Variants in CDH1 observed in about 807,000 individuals in gnomAD.
The protein encoded by CDH1 is cadherin-1.
CDH1 carries 35 observed loss-of-function variants against 84.5 expected under a neutral mutation model. That is an observed-to-expected ratio of 0.41 (90% CI 0.32 to 0.55). The LOEUF (loss-of-function observed/expected upper bound fraction) is 0.55, where lower values mean the gene tolerates loss of function less well. CDH1 is among the 20% of genes least tolerant of loss of function. The pLI is 0.19. For missense variants in CDH1, 994 were observed against 1,126.6 expected (o/e 0.88, Z 1.68); for synonymous variants, 417 against 439.0 (o/e 0.95, Z 0.63).
At chr16:68,804,102 C>CTCT (rs1960585640) in intron 3 of CDH1, among the ~76,000 whole-genome samples, 2 of 75,070 alleles carry the variant, frequency 2.7e-5, no homozygotes, top group Non-Finnish European at 5.3e-5. Context: ...ATCTGTCTGC[C>CTCT]TTTTTTTTTT....
chr16:68,803,096 G>A (rs1283305220), intron 3 of CDH1, among the ~76,000 whole-genome samples: 2 of 152,144 alleles, frequency 1.3e-5, no homozygotes, highest in Non-Finnish European at 2.9e-5. Flanking sequence ...GGATATTCTG[G>A]TTGTGTCCTG....
At chr16:68,737,505 G>C (rs562049868) in intron 1 of CDH1, 42 bp downstream of exon 1, 2 of 1,403,690 alleles carry the variant, frequency 1.4e-6, no homozygotes, top group Non-Finnish European at 1.9e-6. Context: ...CATTCGGGCC[G>C]CAAGCTCCGC....
chr16:68,760,480 C>T (rs533564417), intron 2 of CDH1, among the ~76,000 whole-genome samples: 60 of 151,942 alleles, frequency 3.9e-4, no homozygotes, highest in Admixed American at 7.2e-4. Context: ...AAAGTATAAC[C>T]GTCTCCTGCC....
intron 2 of CDH1, among the ~76,000 whole-genome samples, chr16:68,745,511 C>G (rs1218057221): frequency 9.3e-6 from 1 of 107,292 alleles, no homozygotes; most frequent in Admixed American, 1.0e-4. Flanking sequence ...CCACGGCACT[C>G]CAGCTGATAG....
intron 2 of CDH1, among the ~76,000 whole-genome samples, chr16:68,746,859 G>A (rs544671771): frequency 6.6e-6 from 1 of 152,154 alleles, no homozygotes; most frequent in Non-Finnish European, 1.5e-5. Flanking sequence ...CGAGGCAGGA[G>A]AATCACTTGA....
At chr16:68,814,838 T>A (rs1044122467) in intron 9 of CDH1, among the ~76,000 whole-genome samples, 1 of 151,474 alleles carries the variant, frequency 6.6e-6, no homozygotes, top group Non-Finnish European at 1.5e-5. Flanking sequence ...GAGAATCACT[T>A]GAGCCCAGGG....
At chr16:68,804,996 A>AT (rs71148951) in intron 3 of CDH1, among the ~76,000 whole-genome samples, 2,659 of 89,568 alleles carry the variant, frequency 0.03, 51 homozygotes, top group Non-Finnish European at 0.041. Flanking sequence ...TGCCCAGCTA[A>AT]TTTTTTTTTT....
rs1363480012 is a variant in CDH1, at chr16:68,832,052, G to A, written c.2440-1238G>A. Among the ~76,000 whole-genome samples, 9 of 152,156 alleles carry A rather than the reference G, an allele frequency of 5.9e-5. No homozygotes were observed. In the South Asian group the frequency reaches 1.2e-3, roughly 21 times the overall value. ...GCAGGAACAGAAAACCAAATACCAC[G>A]TGTTCTCACTCATATGTGGGAGCTG... On this transcript the variant is annotated intron_variant, in intron 15 of 15. Coordinates refer to ENST00000261769, the MANE Select transcript of CDH1 (RefSeq NM_004360.5).
Position 68,808,702 on chromosome 16 carries a change from AACAAAG to A in CDH1, c.549_554del (p.Asp183_Lys184del), listed in dbSNP as rs1960735700. The A allele has an allele frequency of 1.2e-6, 2 of 1,614,194 alleles. No individual in the cohort carries two copies. Among genetic ancestry groups the A allele is most frequent in the Non-Finnish European group, 1.7e-6 (2 of 1,180,030 alleles). The stretch of plus-strand genomic sequence containing the variant: ...TTCATTTTGTCTTCAGATCAAATCC[AACAAAG>A]ACAAAGAAGGCAAGGTTTTCTACAG... On this transcript the variant is annotated inframe_deletion, in exon 5 of 16. Transcript: ENST00000261769.
intron 2 of CDH1, among the ~76,000 whole-genome samples, chr16:68,774,494 T>G (rs1489881493): frequency 4.6e-5 from 7 of 152,156 alleles, no homozygotes; most frequent in Admixed American, 4.6e-4. Context: ...CATTCCAGCC[T>G]GGGCGACACA....
At chr16:68,813,872 C>T (rs1248063990) in intron 9 of CDH1, among the ~76,000 whole-genome samples, 1 of 151,072 alleles carries the variant, frequency 6.6e-6, no homozygotes, top group East Asian at 1.9e-4. Context: ...GTGGAGGTTG[C>T]AGTGAGCCAA....
intron 5 of CDH1, 54 bp downstream of exon 5, chr16:68,808,902 T>C: frequency 6.3e-7 from 1 of 1,591,892 alleles, no homozygotes; most frequent in Non-Finnish European, 8.6e-7. Context: ...CCCAGGATTT[T>C]TTGGTCAACC....
Position 68,762,371 on chromosome 16 carries a change from G to A in CDH1, c.163+23960G>A, listed in dbSNP as rs145599669. 2.9e-3 allele frequency among the ~76,000 whole-genome samples: 445 copies of A among 152,302 alleles called. 1 individual carries two copies. Among genetic ancestry groups the A allele is most frequent in the Middle Eastern group, 0.01 (3 of 294 alleles). On this transcript the variant is annotated intron_variant, in intron 2 of 15. Transcript: ENST00000261769. ...CCCCACCAGGCTGGGTACTTGGGAA[G>A]TATTCGCAGCCCCCAGCATTAAGCC...
chr16:68,775,125 CAA>C (rs58497601), intron 2 of CDH1, among the ~76,000 whole-genome samples: 40,687 of 107,922 alleles, frequency 0.38, 5,574 homozygotes, highest in Middle Eastern at 0.42. Flanking sequence ...GGCCCTGTCT[CAA>C]AAAAAAAAAA....
At chr16:68,747,309 G>T (rs1962770804) in intron 2 of CDH1, among the ~76,000 whole-genome samples, 1 of 152,168 alleles carries the variant, frequency 6.6e-6, no homozygotes, top group African/African-American at 2.4e-5. Context: ...CCTGGGCACA[G>T]AAAGAGGAGG....
At chr16:68,830,247 C>T (rs187318627) in intron 15 of CDH1, among the ~76,000 whole-genome samples, 18 of 152,194 alleles carry the variant, frequency 1.2e-4, no homozygotes, top group African/African-American at 3.6e-4. Flanking sequence ...GCCACCGCAC[C>T]TGGCAGCCTG....
intron 3 of CDH1, among the ~76,000 whole-genome samples, 175 bp downstream of exon 3, chr16:68,802,068 C>T (rs1438219794): frequency 6.6e-6 from 1 of 152,234 alleles, no homozygotes; most frequent in East Asian, 1.9e-4. Context: ...GGTTAGACAC[C>T]AGTAGCACTT....
Position 68,822,174 on chromosome 16 carries a change from G to C in CDH1, c.1885G>C (p.Glu629Gln), listed in dbSNP as rs1028765743. The change falls in exon 12 of 16, where the codon GAA becomes CAA. Residue 629 changes from glutamate to glutamine, a missense_variant. Coordinates refer to ENST00000261769, the MANE Select transcript of CDH1 (RefSeq NM_004360.5). ...LPPNTSPFTA[E>Q]LTHGASANWT... is the part of the protein sequence containing the mutation. Reference sequence around the variant, plus strand: ...TCCCAATACATCTCCCTTCACAGCAGAACTAACACACGGGGCGAGTGCCAA... The same window carrying C: ...TCCCAATACATCTCCCTTCACAGCACAACTAACACACGGGGCGAGTGCCAA... 1.2e-6 allele frequency: 2 copies of C among 1,614,002 alleles called. No homozygotes were observed. Among genetic ancestry groups the C allele is most frequent in the African/African-American group, 2.7e-5 (2 of 74,902 alleles).
In CDH1 at chr16:68,815,427, C is replaced by T. The variant is rs33934457; in HGVS notation, c.1321-88C>T. ...ACTTTTGCACCAACCTAATATATTACCAAAAGCAACAGTTAAGGATTTAAT... is the reference window on the plus strand; with the variant it reads ...ACTTTTGCACCAACCTAATATATTATCAAAAGCAACAGTTAAGGATTTAAT... On this transcript the variant is annotated intron_variant, in intron 9 of 15. Transcript: ENST00000261769. 1,341 of 1,551,310 alleles carry T rather than the reference C, an allele frequency of 8.6e-4. 9 individuals are homozygous for T. The African/African-American group carries it at 0.017, about 19-fold the overall frequency.
Sources: gnomAD v4.1 joint callset for allele counts (sites outside exome capture counted in the v4.1 genomes callset) on GRCh38, gnomAD v4.1.1 for gene constraint, MANE v1.5 for transcripts, NCBI Gene and HGNC (gene_info 2026-07-23, HGNC 2026-07-21) for gene names.